MACROD2: variants seen among roughly 807,000 people sequenced by gnomAD.
The protein encoded by MACROD2 is mono-ADP ribosylhydrolase 2.
In MACROD2, 36 loss-of-function variants were observed where a neutral mutation model predicts 70.4. That is an observed-to-expected ratio of 0.51 (90% CI 0.39 to 0.68). MACROD2 has a LOEUF of 0.68. Ranked by LOEUF, MACROD2 falls within the 30% of genes least tolerant of loss-of-function variation. The pLI is 0.00. For synonymous variants in MACROD2, 172 were observed against 178.8 expected, an observed-to-expected ratio of 0.96 and a Z score of 0.30; for missense variants, 496 against 538.4, an observed-to-expected ratio of 0.92 and a Z score of 0.78.
At chr20:14,419,923 A>T (rs1439423987) in intron 3 of MACROD2, among the ~76,000 whole-genome samples, 1 of 152,218 alleles carries the variant, frequency 6.6e-6, no homozygotes, top group South Asian at 2.1e-4. Context: ...TGGATAAATC[A>T]CAATTTAACC....
intron 3 of MACROD2, among the ~76,000 whole-genome samples, chr20:14,267,627 A>G (rs76292624): frequency 0.015 from 2,312 of 152,222 alleles, 24 homozygotes; most frequent in African/African-American, 0.027. Context: ...CCTGGAAATC[A>G]AGGGTATAAA....
intron 5 of MACROD2, among the ~76,000 whole-genome samples, chr20:15,138,556 C>T (rs1358379692): frequency 6.6e-6 from 1 of 152,092 alleles, no homozygotes; most frequent in Non-Finnish European, 1.5e-5. Context: ...CTAGATTGGT[C>T]TAAAAGAAAT....
chr20:15,570,065 A>G (rs1396730699), intron 8 of MACROD2, among the ~76,000 whole-genome samples: 2 of 152,130 alleles, frequency 1.3e-5, no homozygotes, highest in Non-Finnish European at 2.9e-5. Context: ...AAAAATGTAC[A>G]TATGTTTTCA....
intron 4 of MACROD2, among the ~76,000 whole-genome samples, chr20:14,672,073 G>A (rs2070801704): frequency 6.6e-6 from 1 of 152,184 alleles, no homozygotes. Flanking sequence ...GGATGATGAT[G>A]ATGATGAATA....
chr20:16,044,918 C>T (rs2067359503), intron 17 of MACROD2, among the ~76,000 whole-genome samples: 1 of 152,134 alleles, frequency 6.6e-6, no homozygotes, highest in Non-Finnish European at 1.5e-5. Context: ...ATCCATCTCA[C>T]CCCCTGGCCT....
chr20:14,723,284 T>A (rs1444609864), intron 5 of MACROD2, among the ~76,000 whole-genome samples: 1 of 152,106 alleles, frequency 6.6e-6, no homozygotes, highest in African/African-American at 2.4e-5. Context: ...TTGTTTATTC[T>A]TATATATCCT....
At chr20:14,068,508 A>G (rs777374659) in intron 2 of MACROD2, among the ~76,000 whole-genome samples, 1 of 152,214 alleles carries the variant, frequency 6.6e-6, no homozygotes, top group Admixed American at 6.5e-5. Flanking sequence ...TGTGAAGGAT[A>G]TGATAAATGT....
At chr20:14,896,525 A>G (rs946939183) in intron 5 of MACROD2, among the ~76,000 whole-genome samples, 5 of 152,106 alleles carry the variant, frequency 3.3e-5, no homozygotes, top group South Asian at 2.1e-4. Context: ...GCAGCAGGTC[A>G]TGAACTCAGA....
At chr20:15,166,854 ATTATTAAATTTAAGTATTAAC>A (rs978688579) in intron 5 of MACROD2, among the ~76,000 whole-genome samples, 3 of 151,208 alleles carry the variant, frequency 2.0e-5, no homozygotes, top group African/African-American at 2.4e-5. Context: ...TAATACTTAA[ATTATTAAATTTAAGTATTAAC>A]TTATTAAATT....
At chr20:15,763,453 C>T (rs533035468) in intron 8 of MACROD2, among the ~76,000 whole-genome samples, 2 of 152,242 alleles carry the variant, frequency 1.3e-5, no homozygotes, top group South Asian at 4.2e-4. Context: ...ATATTCACCA[C>T]ACACACACAT....
intron 3 of MACROD2, among the ~76,000 whole-genome samples, chr20:14,155,831 ATATT>A (rs1386557645): frequency 6.6e-6 from 1 of 152,190 alleles, no homozygotes; most frequent in African/African-American, 2.4e-5. Context: ...TGTTATCTTA[ATATT>A]TAATTATAAA....
intron 8 of MACROD2, among the ~76,000 whole-genome samples, chr20:15,726,337 G>A (rs1194006214): frequency 6.6e-6 from 1 of 152,146 alleles, no homozygotes; most frequent in African/African-American, 2.4e-5. Context: ...ACCATTGACA[G>A]ACATTTAGGT....
chr20:15,197,111 G>A, intron 5 of MACROD2: 1 of 747,380 alleles, frequency 1.3e-6, no homozygotes. Flanking sequence ...TCATGCCCTG[G>A]TGAGTTTCCC....
intron 5 of MACROD2, among the ~76,000 whole-genome samples, chr20:14,785,482 A>G (rs2072357594): frequency 6.6e-6 from 1 of 151,576 alleles, no homozygotes; most frequent in East Asian, 1.9e-4. Flanking sequence ...GGAGAGGGCC[A>G]GTCCCCCTGG....
At chr20:15,335,084 G>A (rs554848130) in intron 6 of MACROD2, among the ~76,000 whole-genome samples, 2 of 151,824 alleles carry the variant, frequency 1.3e-5, no homozygotes, top group Non-Finnish European at 2.9e-5. Flanking sequence ...TCTTACAGCA[G>A]GGAAAATCAA....
chr20:16,045,400 C>T (rs896596860), intron 17 of MACROD2, among the ~76,000 whole-genome samples: 5 of 152,102 alleles, frequency 3.3e-5, no homozygotes, highest in Non-Finnish European at 4.4e-5. Flanking sequence ...CAAGAGACAA[C>T]GTGTTGAGGC....
At chr20:14,596,735 T>C (rs952962250) in intron 4 of MACROD2, among the ~76,000 whole-genome samples, 1 of 152,190 alleles carries the variant, frequency 6.6e-6, no homozygotes, top group Non-Finnish European at 1.5e-5. Flanking sequence ...CCTGCTAGCT[T>C]GTGACTTTAG....
intron 10 of MACROD2, among the ~76,000 whole-genome samples, chr20:15,930,734 G>T (rs6034330): frequency 0.85 from 128,962 of 151,992 alleles, 55,857 homozygotes; most frequent in Non-Finnish European, 0.95. Context: ...TTCTAGGGAG[G>T]GGGGTAGCAC....
At chr20:15,670,252 T>C (rs10485534) in intron 8 of MACROD2, among the ~76,000 whole-genome samples, 9,214 of 152,288 alleles carry the variant, frequency 0.061, 555 homozygotes, top group East Asian at 0.16. Context: ...GGAATACCTA[T>C]GAGCTTTCAG....
Sources: gnomAD v4.1 joint callset for allele counts (sites outside exome capture counted in the v4.1 genomes callset) on GRCh38, gnomAD v4.1.1 for gene constraint, MANE v1.5 for transcripts, NCBI Gene and HGNC (gene_info 2026-07-23, HGNC 2026-07-21) for gene names.